The following PCDHGA1 variants were observed in gnomAD, a reference collection of about 807,000 sequenced individuals.
PCDHGA1 encodes the protein protocadherin gamma-A1.
A neutral mutation model predicts 58.0 loss-of-function variants in PCDHGA1; 32 were observed. The observed-to-expected ratio is 0.55, with a 90% CI of 0.42 to 0.74. The LOEUF (loss-of-function observed/expected upper bound fraction) is 0.74. Among genes scored for constraint, PCDHGA1 ranks in the 30% least tolerant of loss-of-function variants. PCDHGA1 has a pLI of 0.00. For missense variants in PCDHGA1, 1,205 were observed against 1,182.3 expected (o/e 1.02, Z -0.28); for synonymous variants, 498 against 501.1 (o/e 0.99, Z 0.08).
At chr5:141,409,904 G>A in intron 1 of PCDHGA1, 3 of 1,613,278 alleles carry the variant, frequency 1.9e-6, no homozygotes, top group Non-Finnish European at 2.5e-6. Flanking sequence ...CCCAGCTCTG[G>A]GTCCTGACGG....
intron 1 of PCDHGA1, chr5:141,408,653 C>T (rs1589679123): frequency 6.2e-7 from 1 of 1,613,982 alleles, no homozygotes; most frequent in African/African-American, 1.3e-5. Context: ...CGCTGGTACA[C>T]GACTATCGCT....
intron 1 of PCDHGA1, among the ~76,000 whole-genome samples, chr5:141,474,726 A>G (rs549082085): frequency 6.6e-6 from 1 of 152,358 alleles, no homozygotes; most frequent in South Asian, 2.1e-4. Flanking sequence ...AAAGGACTCT[A>G]TGCAATCAAA....
chr5:141,408,921 C>T (rs1228341286), intron 1 of PCDHGA1: 2 of 1,613,462 alleles, frequency 1.2e-6, no homozygotes, highest in African/African-American at 1.3e-5. Flanking sequence ...GATAACCCCC[C>T]GGTTTTCAGC....
intron 1 of PCDHGA1, chr5:141,388,717 C>T (rs544297444): frequency 2.5e-6 from 4 of 1,614,022 alleles, no homozygotes; most frequent in Non-Finnish European, 3.4e-6. Context: ...GCCGAGATTA[C>T]TTTCTCTTTC....
In PCDHGA1 at chr5:141,476,331, C is replaced by T; in HGVS notation, c.2422-18476C>T. On this transcript the variant is annotated intron_variant, in intron 1 of 3. Transcript: ENST00000517417. This position sits in a 1 kb window ranked among gnomAD's most constrained non-coding sequence, Gnocchi z 7.6. Reference sequence around the variant, plus strand: ...CGCAGGTTCCGGGTGGTGTCTGGAGCTAGCCGAAGATTCTTTGAGGTGAAC... The same window carrying T: ...CGCAGGTTCCGGGTGGTGTCTGGAGTTAGCCGAAGATTCTTTGAGGTGAAC... 1.2e-6 allele frequency: 2 copies of T among 1,614,156 alleles called. No individual in the cohort carries two copies. Among genetic ancestry groups the T allele is most frequent in the Non-Finnish European group, 1.7e-6 (2 of 1,180,042 alleles).
intron 1 of PCDHGA1, chr5:141,341,110 G>A (rs1294332498): frequency 2.5e-6 from 4 of 1,614,232 alleles, no homozygotes; most frequent in Non-Finnish European, 3.4e-6. Flanking sequence ...TGTTGCTGGC[G>A]CACAGGCTGC....
rs1414835001 is a variant in PCDHGA1 at position 141,476,225 on chromosome 5, A to T, written c.2422-18582A>T. 1.2e-6 allele frequency: 2 copies of T among 1,613,882 alleles called. No individual in the cohort carries two copies. Among genetic ancestry groups the T allele is most frequent in the Non-Finnish European group, 1.7e-6 (2 of 1,180,012 alleles). ...GGCTTCCACGGTCATTCACTATGAG[A>T]TCCCGGAGGAAAGAGAGAAGGGTTT... On this transcript the variant is annotated intron_variant, in intron 1 of 3. Transcript: ENST00000517417. This position sits in a 1 kb window ranked among gnomAD's most constrained non-coding sequence, Gnocchi z 7.6.
chr5:141,482,135 G>T (rs987110875), intron 1 of PCDHGA1, among the ~76,000 whole-genome samples: 1 of 151,836 alleles, frequency 6.6e-6, no homozygotes, highest in African/African-American at 2.4e-5. Context: ...CATATGGCTG[G>T]CATAAAAAGG....
At chr5:141,371,799 G>T (rs1768052133) in intron 1 of PCDHGA1, 5 of 1,613,926 alleles carry the variant, frequency 3.1e-6, no homozygotes, top group Middle Eastern at 1.6e-4. Flanking sequence ...TCCGCCTGGA[G>T]CCTCCATTGC....
chr5:141,369,864 C>G lies in PCDHGA1; in HGVS notation c.2421+36759C>G, dbSNP rs184751996. Reference sequence around the variant, plus strand: ...GTATTATTTTATTTGGCCCTCATTTCTACTAGAGTAAGCAGAGAAGATATT... The same window carrying G: ...GTATTATTTTATTTGGCCCTCATTTGTACTAGAGTAAGCAGAGAAGATATT... On this transcript the variant is annotated intron_variant, in intron 1 of 3. Transcript: ENST00000517417. Among the ~76,000 whole-genome samples, 368 of 152,244 alleles carry G rather than the reference C, an allele frequency of 2.4e-3. 5 individuals carry two copies. Among genetic ancestry groups the G allele is most frequent in the African/African-American group, 8.5e-3 (353 of 41,550 alleles).
chr5:141,482,503 C>A (rs375429072), intron 1 of PCDHGA1, among the ~76,000 whole-genome samples: 2 of 136,154 alleles, frequency 1.5e-5, no homozygotes, highest in South Asian at 4.4e-4. Context: ...CATTCTGGTA[C>A]CCAGAGTACA....
intron 1 of PCDHGA1, chr5:141,403,336 C>T (rs2094393288): frequency 1.9e-6 from 3 of 1,614,032 alleles, no homozygotes; most frequent in Non-Finnish European, 2.5e-6. Flanking sequence ...ATATTAACGA[C>T]AGCGCCCCAA....
At chr5:141,403,261 G>A in intron 1 of PCDHGA1, 1 of 1,613,852 alleles carries the variant, frequency 6.2e-7, no homozygotes, top group East Asian at 2.2e-5. Flanking sequence ...CGCGGTGTCT[G>A]GTGAACTTTA....
chr5:141,417,709 C>T lies in PCDHGA1; in HGVS notation c.2422-77098C>T, dbSNP rs533902963. 1.5e-5 allele frequency: 18 copies of T among 1,238,872 alleles called. No individual in the cohort carries two copies. The East Asian group carries it at 1.8e-4, about 12-fold the overall frequency. 76.7% of individuals were successfully genotyped at this position (1,238,872 alleles called of 1,614,324 possible). ...AAGAAAACCAGCTCCCACACAGAGG[C>T]TCCCGGCTGCGCAGACCTTGCCCAG... On this transcript the variant is annotated intron_variant, in intron 1 of 3. Coordinates refer to ENST00000517417, the MANE Select transcript of PCDHGA1 (RefSeq NM_018912.3).
At chr5:141,340,211 C>G in intron 1 of PCDHGA1, 1 of 1,614,140 alleles carries the variant, frequency 6.2e-7, no homozygotes, top group South Asian at 1.1e-5. Context: ...TGACAGGGAA[C>G]AGTTTTCCTT....
intron 1 of PCDHGA1, among the ~76,000 whole-genome samples, chr5:141,474,463 T>C (rs1447737626): frequency 6.6e-6 from 1 of 152,228 alleles, no homozygotes; most frequent in Admixed American, 6.5e-5. Flanking sequence ...GCTATACTCT[T>C]TATTCTAAAT....
At position 141,331,957 on chromosome 5, in the gene PCDHGA1, A is replaced by G. The variant is rs746364171; in HGVS notation, c.1273A>G (p.Ile425Val). 1 of 1,614,160 alleles carries G rather than the reference A, an allele frequency of 6.2e-7. No individual in the cohort carries two copies. Among genetic ancestry groups the G allele is most frequent in the Admixed American group, 1.7e-5 (1 of 60,028 alleles). Residue 425 changes from isoleucine to valine, a missense_variant, in exon 1 of 4, where the codon ATA becomes GTA. Transcript: ENST00000517417. ...ISGYNITITA[I>V]DQGTPALSTE... ...TGGGTACAACATCACAATAACAGCA[A>G]TAGACCAAGGAACTCCAGCTCTATC...
At chr5:141,378,173 C>A (rs1774684442) in intron 1 of PCDHGA1, 1 of 152,194 alleles carries the variant, frequency 6.6e-6, no homozygotes. Flanking sequence ...AATAACTAAG[C>A]ACCGATGCTG....
At chr5:141,419,022 G>A in intron 1 of PCDHGA1, 1 of 1,613,960 alleles carries the variant, frequency 6.2e-7, no homozygotes, top group Non-Finnish European at 8.5e-7. Flanking sequence ...AGCTTAAGTA[G>A]AGGTGTTCCA....
Sources: gnomAD v4.1 joint callset for allele counts (sites outside exome capture counted in the v4.1 genomes callset) on GRCh38, gnomAD v4.1.1 for gene constraint, Gnocchi (gnomAD v3.1) non-coding constraint, MANE v1.5 for transcripts, NCBI Gene and HGNC (gene_info 2026-07-23, HGNC 2026-07-21) for gene names.